Variants in SF3B4 observed in about 807,000 individuals in gnomAD.
SF3B4 encodes the protein splicing factor 3b subunit 4, also known as SAP 49.
A neutral mutation model predicts 34.3 loss-of-function variants in SF3B4; 3 were observed. The observed-to-expected ratio is 0.09, with a 90% CI of 0.04 to 0.23. SF3B4 has a LOEUF of 0.23. Among genes scored for constraint, SF3B4 ranks in the 10% least tolerant of loss-of-function variants. The pLI, the probability that SF3B4 is intolerant of heterozygous loss-of-function variation, is 1.00. For missense variants in SF3B4, 283 were observed against 567.2 expected (o/e 0.50, Z 5.09); for synonymous variants, 216 against 207.8 (o/e 1.04, Z -0.34).
At chr1:149,925,781 T>A (rs782572840) in intron 4 of SF3B4, 55 bp downstream of exon 4, 1 of 1,341,782 alleles carries the variant, frequency 7.5e-7, no homozygotes, top group South Asian at 1.2e-5. Context: ...GGGTGAGTGG[T>A]AACAGAGATG....
In SF3B4 at chr1:149,926,972, G is replaced by A; in HGVS notation, c.164-54C>T. ...AACGTAAGTAAAGAGACTGAAAATG[G>A]GGTAAAATTCATCTACCCTCTAATC... On this transcript the variant is annotated intron_variant, in intron 2 of 5. Transcript: ENST00000271628. This position sits in a 1 kb window ranked among gnomAD's most constrained non-coding sequence, Gnocchi z 6.2. 2.0e-6 allele frequency: 3 copies of A among 1,518,012 alleles called. No individual in the cohort carries two copies. The highest frequency in any genetic ancestry group is 2.6e-5 in the South Asian group (2 of 77,868). The allele number at this position is 1,518,012 out of a possible 1,614,324, so 94.0% of individuals were successfully genotyped here.
At chr1:149,927,333 T>A (rs782051278) in intron 1 of SF3B4, 39 bp from the exon 2 acceptor site, 29 of 1,606,222 alleles carry the variant, frequency 1.8e-5, no homozygotes, top group Admixed American at 3.3e-5. Flanking sequence ...CGTGAGAGTG[T>A]AACGGGAAGG....
Position 149,923,815 on chromosome 1 carries a change from G to A in SF3B4, c.1087+26C>T, listed in dbSNP as rs782010292. On this transcript the variant is annotated intron_variant, in intron 5 of 5. Transcript: ENST00000271628. ...CTGTAAGAACATGATAAGTGCAGAT[G>A]AGGGAGGTGGCTAGAGCCGACTTAC... 6 of 1,568,050 alleles carry A rather than the reference G, an allele frequency of 3.8e-6. No homozygotes were observed. The Admixed American group carries it at 6.2e-5, about 16-fold the overall frequency.
rs781985687 is a variant in SF3B4, at chr1:149,923,945, C to G, written c.983G>C (p.Gly328Ala). 1 of 1,590,016 alleles carries G rather than the reference C, an allele frequency of 6.3e-7. No homozygotes were observed. The highest frequency in any genetic ancestry group is 8.5e-7 in the Non-Finnish European group (1 of 1,172,648). Residue 328 changes from glycine (G) to alanine (A), a missense_variant, in exon 5 of 6, where the codon GGC becomes GCC. Gly to Ala is a moderately conservative substitution (Grantham distance 60). Around this residue, in one of 4 missense-constraint regions of SF3B4, gnomAD observed 208 missense variants for 292.6 expected, o/e 0.71. Coordinates refer to ENST00000271628, the MANE Select transcript of SF3B4 (RefSeq NM_005850.5). ...GLGHPHAGPP[G>A]SGGQPPPRPP... Reference sequence around the variant, plus strand: ...TCGGGGCGGTGGCTGGCCCCCAGAGCCTGGGGGTCCAGCGTGGGGATGTCC... The same window carrying G: ...TCGGGGCGGTGGCTGGCCCCCAGAGGCTGGGGGTCCAGCGTGGGGATGTCC...
chr1:149,925,780 G>T, intron 4 of SF3B4, 56 bp downstream of exon 4: 2 of 1,325,776 alleles, frequency 1.5e-6, no homozygotes, highest in Non-Finnish European at 2.2e-6. Flanking sequence ...AGGGTGAGTG[G>T]TAACAGAGAT....
intron 1 of SF3B4, 102 bp downstream of exon 1, chr1:149,927,624 A>G: frequency 6.9e-7 from 1 of 1,441,648 alleles, no homozygotes; most frequent in South Asian, 1.2e-5. Flanking sequence ...CCCTCTGGGG[A>G]AGGGAGGAGT....
intron 1 of SF3B4, 34 bp downstream of exon 1, chr1:149,927,692 C>G (rs1247583427): frequency 2.1e-5 from 32 of 1,551,620 alleles, no homozygotes; most frequent in African/African-American, 1.4e-4. Flanking sequence ...CCTAGCCACG[C>G]TGAGCCCATT....
At position 149,923,516 on chromosome 1, in the gene SF3B4, G is replaced by GT. The variant is rs782300678; in HGVS notation, c.*25dup. On this transcript the variant is annotated 3_prime_UTR_variant, in exon 6 of 6. Coordinates refer to ENST00000271628, the MANE Select transcript of SF3B4 (RefSeq NM_005850.5). ...GGAATAGAAAAGATATTGGGAAAATGTAACAGGAGGAAGGAAAATGTGAAT... is the reference window on the plus strand; with the variant it reads ...GGAATAGAAAAGATATTGGGAAAATGTTAACAGGAGGAAGGAAAATGTGAAT... The GT allele has an allele frequency of 1.9e-6, 3 of 1,549,148 alleles. No individual in the cohort carries two copies. The highest frequency in any genetic ancestry group is 4.1e-5 in the Admixed American group (2 of 48,802).
intron 1 of SF3B4, 114 bp downstream of exon 1, chr1:149,927,612 C>A: frequency 1.4e-6 from 2 of 1,384,550 alleles, no homozygotes; most frequent in Non-Finnish European, 2.0e-6. Context: ...GCCGGTCTCG[C>A]GCCCTCTGGG....
At chr1:149,924,671 A>G (rs587696824) in intron 4 of SF3B4, among the ~76,000 whole-genome samples, 1 of 152,278 alleles carries the variant, frequency 6.6e-6, no homozygotes, top group South Asian at 2.1e-4. Context: ...GTCTAAGCAA[A>G]GATCTAATTC....
chr1:149,923,497 G>C lies in SF3B4; in HGVS notation c.*45C>G. 6.7e-7 allele frequency: 1 copy of C among 1,488,350 alleles called. No individual in the cohort carries two copies. Among genetic ancestry groups the C allele is most frequent in the Non-Finnish European group, 9.1e-7 (1 of 1,102,728 alleles). 92.2% of individuals were successfully genotyped at this position (1,488,350 alleles called of 1,614,324 possible). ...GCATCTCTGATTGGTCCAAGGAATAGAAAAGATATTGGGAAAATGTAACAG... is the reference window on the plus strand; with the variant it reads ...GCATCTCTGATTGGTCCAAGGAATACAAAAGATATTGGGAAAATGTAACAG... On this transcript the variant is annotated 3_prime_UTR_variant, in exon 6 of 6. Transcript: ENST00000271628.
intron 4 of SF3B4, among the ~76,000 whole-genome samples, chr1:149,925,203 G>C (rs1272022109): frequency 2.0e-5 from 3 of 152,142 alleles, no homozygotes; most frequent in Non-Finnish European, 4.4e-5. Flanking sequence ...AACACTAGAA[G>C]AAGAATGGAT....
At chr1:149,925,185 A>C (rs782562073) in intron 4 of SF3B4, among the ~76,000 whole-genome samples, 4 of 152,032 alleles carry the variant, frequency 2.6e-5, no homozygotes, top group Non-Finnish European at 5.9e-5. Flanking sequence ...AAGCACCTGA[A>C]AAAAAAGAAC....
In SF3B4 at chr1:149,926,608, T is replaced by C; in HGVS notation, c.474A>G (p.Ala158=). ...NFASFDASDA[A]IEAMNGQYLC... ...GGTACTGCCCATTCATGGCTTCAATTGCTGCATCCGAAGCATCAAATGAAG... is the reference window on the plus strand; with the variant it reads ...GGTACTGCCCATTCATGGCTTCAATCGCTGCATCCGAAGCATCAAATGAAG... Residue 158 remains alanine (A), a synonymous_variant, in exon 3 of 6, where the codon GCA becomes GCG. Transcript: ENST00000271628. This position sits in a 1 kb window ranked among gnomAD's most constrained non-coding sequence, Gnocchi z 6.2. 6.2e-7 allele frequency: 1 copy of C among 1,614,212 alleles called. No individual in the cohort carries two copies. Among genetic ancestry groups the C allele is most frequent in the Non-Finnish European group, 8.5e-7 (1 of 1,180,036 alleles).
chr1:149,927,355 G>A, intron 1 of SF3B4, 61 bp from the exon 2 acceptor site: 1 of 1,594,406 alleles, frequency 6.3e-7, no homozygotes, highest in South Asian at 1.1e-5. Flanking sequence ...AGGAAGTGAT[G>A]GAAACATGAA....
intron 1 of SF3B4, 150 bp downstream of exon 1, chr1:149,927,576 G>A: frequency 3.8e-6 from 4 of 1,055,920 alleles, no homozygotes; most frequent in Non-Finnish European, 5.5e-6. Context: ...CCAGCACCCG[G>A]CCACCCCGCC....
In SF3B4 at chr1:149,927,304, A is replaced by T. The variant is rs782652150; in HGVS notation, c.35-10T>A. 6.2e-7 allele frequency: 1 copy of T among 1,613,054 alleles called. No individual in the cohort carries two copies. Among genetic ancestry groups the T allele is most frequent in the Non-Finnish European group, 8.5e-7 (1 of 1,179,874 alleles). On this transcript the variant is annotated splice_polypyrimidine_tract_variant and intron_variant, in intron 1 of 5. Transcript: ENST00000271628. ...ACGTACACAGTGGCATCTTGAAGGG[A>T]GGGAGCAAAAAGAGCAAGCGTGAGA...
chr1:149,927,676 G>C (rs2092599647), intron 1 of SF3B4, 50 bp downstream of exon 1: 3 of 1,547,228 alleles, frequency 1.9e-6, no homozygotes, highest in Non-Finnish European at 2.6e-6. Context: ...GCTGTAGTCG[G>C]GGCCTCCTAG....
At chr1:149,924,512 A>C (rs768792181) in intron 4 of SF3B4, among the ~76,000 whole-genome samples, 7 of 152,162 alleles carry the variant, frequency 4.6e-5, no homozygotes, top group Non-Finnish European at 5.9e-5. Context: ...AGCACAAACC[A>C]ACCAATCAAC....
Sources: gnomAD v4.1 joint callset for allele counts (sites outside exome capture counted in the v4.1 genomes callset) on GRCh38, gnomAD v4.1.1 for gene constraint, gnomAD v4.1.1 regional missense constraint, Gnocchi (gnomAD v3.1) non-coding constraint, MANE v1.5 for transcripts, NCBI Gene and HGNC (gene_info 2026-07-23, HGNC 2026-07-21) for gene names.